Variants in UTP20 observed in about 807,000 individuals in gnomAD.
The protein encoded by UTP20 is small subunit processome component 20 homolog.
Under a neutral mutation model 329.5 loss-of-function variants are expected in UTP20, and 164 were observed. The ratio of observed to expected loss-of-function variants is 0.50; its 90% CI spans 0.44 to 0.57. The LOEUF (loss-of-function observed/expected upper bound fraction) is 0.57, where lower values mean the gene tolerates loss of function less well. Among genes scored for constraint, UTP20 ranks in the 20% least tolerant of loss-of-function variants. UTP20 has a pLI of 0.00. For missense variants in UTP20, 3,055 were observed against 3,284.2 expected, an observed-to-expected ratio of 0.93 and a Z score of 1.71; for synonymous variants, 1,151 against 1,159.3, an observed-to-expected ratio of 0.99 and a Z score of 0.14.
intron 14 of UTP20, among the ~76,000 whole-genome samples, chr12:101,300,664 A>AT (rs1168633107): frequency 6.6e-6 from 1 of 152,232 alleles, no homozygotes; most frequent in African/African-American, 2.4e-5. Flanking sequence ...ACGGCAATTC[A>AT]AAAGCAGTTA....
At position 101,297,208 on chromosome 12, in the gene UTP20, G is replaced by A. The variant is rs1330510714; in HGVS notation, c.1430+1550G>A. Among the ~76,000 whole-genome samples, 5 of 151,948 alleles carry A rather than the reference G, an allele frequency of 3.3e-5. No individual in the cohort carries two copies. The East Asian group carries it at 9.6e-4, about 29-fold the overall frequency. On this transcript the variant is annotated intron_variant, in intron 12 of 61. Coordinates refer to ENST00000261637, the MANE Select transcript of UTP20 (RefSeq NM_014503.3). ...GAGGAACCTATTTTCTTTTTTAAATGTTTTATTTATTATTATTATTATTTT... is the reference window on the plus strand; with the variant it reads ...GAGGAACCTATTTTCTTTTTTAAATATTTTATTTATTATTATTATTATTTT...
rs1210736280 is a variant in UTP20 at position 101,309,804 on chromosome 12, C to T, written c.2196C>T (p.Phe732=). The T allele has an allele frequency of 6.2e-7, 1 of 1,613,622 alleles. No individual in the cohort carries two copies. The highest frequency in any genetic ancestry group is 2.2e-5 in the East Asian group (1 of 44,870). Residue 732 remains phenylalanine, a synonymous_variant, in exon 19 of 62, where the codon TTC becomes TTT. Transcript: ENST00000261637. Reference sequence around the variant, plus strand: ...TGTTAGGCATGCTATATATTAATTTCAGTGCACTCTGGGATCCTGTTATTG... The same window carrying T: ...TGTTAGGCATGCTATATATTAATTTTAGTGCACTCTGGGATCCTGTTATTG... ...RYLLGMLYIN[F]SALWDPVIEL...
chr12:101,370,956 T>A (rs1018618711), intron 50 of UTP20, 102 bp from the exon 51 acceptor site: 1 of 944,340 alleles, frequency 1.1e-6, no homozygotes, highest in African/African-American at 1.6e-5. Flanking sequence ...GATACTTTCT[T>A]GTGTTTGAAA....
intron 43 of UTP20, among the ~76,000 whole-genome samples, chr12:101,360,927 A>G (rs1185643674): frequency 2.6e-5 from 4 of 152,202 alleles, no homozygotes; most frequent in Non-Finnish European, 5.9e-5. Context: ...GCCTATGATC[A>G]TTATCTGATA....
In UTP20 at chr12:101,337,766, C is replaced by T. The variant is rs545863191; in HGVS notation, c.3642-285C>T. On this transcript the variant is annotated intron_variant, in intron 29 of 61. Coordinates refer to ENST00000261637, the MANE Select transcript of UTP20 (RefSeq NM_014503.3). ...AGCTCTATTATTAGCTCAGTGGCTT[C>T]GGACAAATCTGTTTTTTCATCTGTA... 5.3e-4 allele frequency among the ~76,000 whole-genome samples: 81 copies of T among 152,186 alleles called. 1 individual carries two copies. The South Asian group carries it at 0.017, about 32-fold the overall frequency.
chr12:101,341,321 T>TA (rs35966101), intron 32 of UTP20, among the ~76,000 whole-genome samples: 88,554 of 151,934 alleles, frequency 0.58, 28,578 homozygotes, highest in East Asian at 0.94. Flanking sequence ...CAAAACAGAA[T>TA]AAAATCAGAC....
At chr12:101,303,480 T>A (rs1872576308) in intron 15 of UTP20, among the ~76,000 whole-genome samples, 1 of 152,146 alleles carries the variant, frequency 6.6e-6, no homozygotes, top group South Asian at 2.1e-4. Flanking sequence ...GTGAGGGACG[T>A]AAGCCATGAG....
At chr12:101,384,603 TATC>T (rs1194331564) in intron 60 of UTP20, among the ~76,000 whole-genome samples, 1 of 152,232 alleles carries the variant, frequency 6.6e-6, no homozygotes, top group East Asian at 1.9e-4. Flanking sequence ...AGTTTTAAAA[TATC>T]ATTTTAACAT....
At chr12:101,319,687 C>T (rs765178779) in intron 23 of UTP20, 52 bp downstream of exon 23, 2 of 1,461,538 alleles carry the variant, frequency 1.4e-6, no homozygotes, top group Non-Finnish European at 1.9e-6. Flanking sequence ...TTTTCTCTAT[C>T]ATTTTCTTTG....
Position 101,292,805 on chromosome 12 carries a change from A to G in UTP20, c.1174-363A>G, listed in dbSNP as rs1374520214. On this transcript the variant is annotated intron_variant, in intron 10 of 61. Coordinates refer to ENST00000261637, the MANE Select transcript of UTP20 (RefSeq NM_014503.3). The stretch of plus-strand genomic sequence containing the variant: ...GACCCTGAAAGAATTCCAAGCAGGG[A>G]TATGATTTGATGAGATTTGCATTTT... Among the ~76,000 whole-genome samples the G allele has an allele frequency of 3.9e-5, 6 of 152,150 alleles. No individual in the cohort carries two copies. In the East Asian group the frequency reaches 9.6e-4, roughly 24 times the overall value.
intron 38 of UTP20, among the ~76,000 whole-genome samples, chr12:101,349,206 C>T (rs547594013): frequency 4.7e-4 from 72 of 151,642 alleles, no homozygotes; most frequent in African/African-American, 1.6e-3. Context: ...ATTGTATGGC[C>T]TGGCCCTTGT....
chr12:101,320,564 AAG>A (rs1873117743), intron 23 of UTP20, among the ~76,000 whole-genome samples: 1 of 152,016 alleles, frequency 6.6e-6, no homozygotes, highest in African/African-American at 2.4e-5. Flanking sequence ...TGAAAAAAAA[AAG>A]AGAAAGAGAG....
chr12:101,303,600 C>T (rs1265830447), intron 15 of UTP20, among the ~76,000 whole-genome samples: 6 of 152,138 alleles, frequency 3.9e-5, no homozygotes, highest in Admixed American at 3.3e-4. Context: ...GAGAGGTCAT[C>T]TTGGCTGAGC....
chr12:101,361,406 C>T (rs1334492410), intron 43 of UTP20, among the ~76,000 whole-genome samples: 1 of 151,844 alleles, frequency 6.6e-6, no homozygotes, highest in African/African-American at 2.4e-5. Context: ...GGCAAATCAC[C>T]TGTGGTCAGG....
In UTP20 at chr12:101,354,958, C is replaced by T. The variant is rs1482480147; in HGVS notation, c.5234C>T (p.Ala1745Val). 6.2e-7 allele frequency: 1 copy of T among 1,614,166 alleles called. No homozygotes were observed. Among genetic ancestry groups the T allele is most frequent in the Admixed American group, 1.7e-5 (1 of 60,014 alleles). The change falls in exon 41 of 62, where the codon GCT (alanine) becomes GTT (valine). Residue 1745 changes from alanine (A) to valine (V), a missense_variant. By Grantham distance (64) the Ala-to-Val change is moderately conservative. Coordinates refer to ENST00000261637, the MANE Select transcript of UTP20 (RefSeq NM_014503.3). ...GGACAACCGGGAACCCCTGATCCAG[C>T]TGACTCTGGAGGAACATCAGCTAAA... is the stretch of plus-strand genomic sequence containing the variant. ...DNGQPGTPDP[A>V]DSGGTSAKES...
chr12:101,354,949 CT>C lies in UTP20; in HGVS notation c.5226del (p.Asp1743IlefsTer30), dbSNP rs768627656. On this transcript the variant is annotated frameshift_variant, in exon 41 of 62. Coordinates refer to ENST00000261637, the MANE Select transcript of UTP20 (RefSeq NM_014503.3). LOFTEE classifies it high-confidence loss of function. The stretch of plus-strand genomic sequence containing the variant: ...TCAGACAACGGACAACCGGGAACCC[CT>C]GATCCAGCTGACTCTGGAGGAACAT... ...SLSDNGQPGT[P>X]DPADSGGTSA... The C allele has an allele frequency of 6.2e-7, 1 of 1,614,146 alleles. No individual in the cohort carries two copies. The highest frequency in any genetic ancestry group is 1.1e-5 in the South Asian group (1 of 91,076).
chr12:101,309,918 G>A (rs964714380), intron 19 of UTP20, 79 bp downstream of exon 19: 5 of 1,333,118 alleles, frequency 3.8e-6, no homozygotes, highest in Non-Finnish European at 5.3e-6. Context: ...TTCTCCTTCT[G>A]GGTGTGATTT....
At chr12:101,287,454 G>T (rs1871997296) in intron 5 of UTP20, among the ~76,000 whole-genome samples, 5 of 152,214 alleles carry the variant, frequency 3.3e-5, no homozygotes, top group Non-Finnish European at 7.3e-5. Context: ...AGGCTCTTCA[G>T]TTCTAAATTT....
chr12:101,360,499 C>T (rs1226324215), intron 43 of UTP20, among the ~76,000 whole-genome samples: 2 of 151,996 alleles, frequency 1.3e-5, no homozygotes, highest in African/African-American at 2.4e-5. Flanking sequence ...CATTGTAAGT[C>T]GGGAACCGTC....
Sources: gnomAD v4.1 joint callset for allele counts (sites outside exome capture counted in the v4.1 genomes callset) on GRCh38, gnomAD v4.1.1 for gene constraint, MANE v1.5 for transcripts, NCBI Gene and HGNC (gene_info 2026-07-23, HGNC 2026-07-21) for gene names.